The following SUGCT variants were observed in gnomAD, a reference collection of about 807,000 sequenced individuals.
SUGCT encodes succinyl-CoA:glutarate-CoA transferase, also known as succinyl-CoA:glutarate CoA-transferase.
A neutral mutation model predicts 55.0 loss-of-function variants in SUGCT; 41 were observed. That is an observed-to-expected ratio of 0.74 (90% CI 0.58 to 0.97). The LOEUF (loss-of-function observed/expected upper bound fraction) is 0.97. Ranked by LOEUF, SUGCT falls within the 50% of genes least tolerant of loss-of-function variation. The pLI is 0.00. For synonymous variants in SUGCT, 187 were observed against 200.4 expected (o/e 0.93, Z 0.56); for missense variants, 568 against 547.8 (o/e 1.04, Z -0.37).
the SUGCT span, among the ~76,000 whole-genome samples, chr7:40,988,484 A>G: frequency 6.6e-6 from 1 of 151,840 alleles, no homozygotes; most frequent in East Asian, 1.9e-4. Context: ...GGCATAAACT[A>G]CTGAGATCAT....
At chr7:40,836,742 A>G (rs1178433193) in intron 13 of SUGCT, among the ~76,000 whole-genome samples, 1 of 152,198 alleles carries the variant, frequency 6.6e-6, no homozygotes, top group African/African-American at 2.4e-5. Context: ...TTCACTTAGC[A>G]TAATTTCCTT....
intron 13 of SUGCT, among the ~76,000 whole-genome samples, chr7:40,785,730 G>T (rs1789977991): frequency 6.6e-6 from 1 of 152,086 alleles, no homozygotes; most frequent in South Asian, 2.1e-4. Flanking sequence ...GTGAAGAATT[G>T]TAATTGTATT....
chr7:40,190,284 T>C (rs1785807507), intron 5 of SUGCT, among the ~76,000 whole-genome samples: 1 of 152,122 alleles, frequency 6.6e-6, no homozygotes, highest in East Asian at 1.9e-4. Flanking sequence ...CAGTCTCGCT[T>C]TGTTGCCCAG....
Position 40,294,101 on chromosome 7 carries a change from T to C in SUGCT, c.720+19445T>C, listed in dbSNP as rs182492361. On this transcript the variant is annotated intron_variant, in intron 8 of 13. Transcript: ENST00000335693. ...TAGCTGGGATTACAGGCACGCACTA[T>C]GGCGCCCCACTATTTTTTGTATTTT... Among the ~76,000 whole-genome samples the C allele has an allele frequency of 1.6e-4, 25 of 151,840 alleles. No homozygotes were observed. In the East Asian group the frequency reaches 4.3e-3, roughly 26 times the overall value.
At chr7:40,682,027 A>T (rs1333657388) in intron 12 of SUGCT, among the ~76,000 whole-genome samples, 10 of 152,212 alleles carry the variant, frequency 6.6e-5, no homozygotes, top group Non-Finnish European at 1.5e-4. Flanking sequence ...TGTTTTGACT[A>T]ACTTCCTTGG....
intron 12 of SUGCT, among the ~76,000 whole-genome samples, chr7:40,678,688 A>G (rs1461214308): frequency 6.6e-6 from 1 of 152,222 alleles, no homozygotes; most frequent in Non-Finnish European, 1.5e-5. Flanking sequence ...AACTATTCAT[A>G]TAGTATATCT....
At chr7:40,446,181 G>T (rs1788823449) in intron 9 of SUGCT, among the ~76,000 whole-genome samples, 1 of 152,048 alleles carries the variant, frequency 6.6e-6, no homozygotes, top group Non-Finnish European at 1.5e-5. Flanking sequence ...GGCGGCTGCA[G>T]GGAAAAATAT....
intron 9 of SUGCT, among the ~76,000 whole-genome samples, chr7:40,373,792 A>G (rs921680508): frequency 6.6e-6 from 1 of 152,162 alleles, no homozygotes; most frequent in Non-Finnish European, 1.5e-5. Context: ...AACTGTTTTA[A>G]TAAAAATGAG....
At chr7:40,521,456 G>A (rs1793523338) in intron 12 of SUGCT, among the ~76,000 whole-genome samples, 2 of 151,990 alleles carry the variant, frequency 1.3e-5, no homozygotes, top group Non-Finnish European at 1.5e-5. Flanking sequence ...TAGTACTTCC[G>A]TGTTAAATAG....
Position 40,590,402 on chromosome 7 carries a change from G to A in SUGCT, c.1089+94016G>A, listed in dbSNP as rs140370839. On this transcript the variant is annotated intron_variant, in intron 12 of 13. Transcript: ENST00000335693. The stretch of plus-strand genomic sequence containing the variant: ...AACAAAGCATGTAGAAAGCCAGTAT[G>A]GGCCAAAACATAGGCCTTTTATGCC... Among the ~76,000 whole-genome samples, 217 of 152,254 alleles carry A rather than the reference G, an allele frequency of 1.4e-3. 1 individual carries two copies. The highest frequency in any genetic ancestry group is 5.0e-3 in the African/African-American group (208 of 41,552).
chr7:40,860,584 T>C lies in SUGCT; in HGVS notation c.*105T>C. 1 of 1,214,794 alleles carries C rather than the reference T, an allele frequency of 8.2e-7. No homozygotes were observed. The highest frequency in any genetic ancestry group is 2.0e-5 in the South Asian group (1 of 51,188). The allele number at this position is 1,214,794 out of a possible 1,614,324, so 75.3% of individuals were successfully genotyped here. A position where few individuals can be genotyped will look rare whatever the true frequency, so the allele number is the denominator to read the frequency against. On this transcript the variant is annotated 3_prime_UTR_variant, in exon 14 of 14. Coordinates refer to ENST00000335693, the MANE Select transcript of SUGCT (RefSeq NM_001193313.2). Reference sequence around the variant, plus strand: ...AGTTCTGATACCACTAAAAAGAAGATTTAGAGTAACTCCAGATTTCTTACA... The same window carrying C: ...AGTTCTGATACCACTAAAAAGAAGACTTAGAGTAACTCCAGATTTCTTACA...
chr7:40,350,722 G>A (rs945348132), intron 9 of SUGCT, among the ~76,000 whole-genome samples: 9 of 152,058 alleles, frequency 5.9e-5, no homozygotes, highest in South Asian at 2.1e-4. Flanking sequence ...TACAGGTGCC[G>A]TGGTGGTTTG....
chr7:41,006,994 T>C, the SUGCT span, among the ~76,000 whole-genome samples: 1 of 152,170 alleles, frequency 6.6e-6, no homozygotes, highest in Non-Finnish European at 1.5e-5. Flanking sequence ...TCTTTGTTAG[T>C]TGGTTATGAA....
chr7:40,953,701 G>A, the SUGCT span, among the ~76,000 whole-genome samples: 2 of 152,340 alleles, frequency 1.3e-5, no homozygotes, highest in East Asian at 3.9e-4. Context: ...GTCTGTTGGA[G>A]TTTGCTGGAG....
At chr7:40,586,717 C>G (rs2151723942) in intron 12 of SUGCT, among the ~76,000 whole-genome samples, 1 of 152,262 alleles carries the variant, frequency 6.6e-6, no homozygotes, top group African/African-American at 2.4e-5. Context: ...CACAACAATA[C>G]TCTAACTCGA....
At chr7:40,241,780 C>T (rs1045912541) in intron 7 of SUGCT, among the ~76,000 whole-genome samples, 1 of 151,624 alleles carries the variant, frequency 6.6e-6, no homozygotes, top group Non-Finnish European at 1.5e-5. Context: ...ATTAGCTGGG[C>T]GTGGTGGTGT....
the SUGCT span, among the ~76,000 whole-genome samples, chr7:40,951,113 A>C: frequency 1.3e-5 from 2 of 152,134 alleles, no homozygotes. Flanking sequence ...GTGGTAGGCT[A>C]TTAATTATTG....
chr7:40,899,124 TGA>T, the SUGCT span, among the ~76,000 whole-genome samples: 4 of 151,838 alleles, frequency 2.6e-5, no homozygotes, highest in Admixed American at 1.3e-4. Flanking sequence ...AGGGAAGGAG[TGA>T]GAGAGTGCCC....
chr7:40,968,923 GGCCT>G, the SUGCT span, among the ~76,000 whole-genome samples: 1 of 152,258 alleles, frequency 6.6e-6, no homozygotes, highest in South Asian at 2.1e-4. Context: ...GCATCCAGAA[GGCCT>G]GCCTGTAGCC....
Sources: allele counts gnomAD v4.1 joint callset (sites outside exome capture counted in the v4.1 genomes callset), GRCh38; gene constraint gnomAD v4.1.1; transcripts MANE v1.5; gene names NCBI Gene and HGNC (gene_info 2026-07-23, HGNC 2026-07-21).